The following TRIM21 variants were observed in gnomAD, a reference collection of about 807,000 sequenced individuals.
The protein encoded by TRIM21 is tripartite motif containing 21.
Under a neutral mutation model 36.1 loss-of-function variants are expected in TRIM21, and 35 were observed. That is an observed-to-expected ratio of 0.97 (90% CI 0.74 to 1.28). The LOEUF (loss-of-function observed/expected upper bound fraction) is 1.28. Ranked by LOEUF, TRIM21 falls within the 50% of genes most tolerant of loss-of-function variation. The pLI is 0.00. For synonymous variants in TRIM21, 256 were observed against 211.5 expected (o/e 1.21, Z -1.83); for missense variants, 635 against 570.7 (o/e 1.11, Z -1.15).
Position 4,390,394 on chromosome 11 carries a change from G to C in TRIM21, c.16C>G (p.Arg6Gly). Residue 6 changes from arginine to glycine, a missense_variant, in exon 2 of 7, where the codon CGC becomes GGC. Arg to Gly is a moderately radical substitution (Grantham distance 125, BLOSUM62 -2). Transcript: ENST00000254436. Reference sequence around the variant, plus strand: ...ACCTCCTCCCACATCATTGTCAAGCGTGCTGCTGAAGCCATTGTCAAGTGT... The same window carrying C: ...ACCTCCTCCCACATCATTGTCAAGCCTGCTGCTGAAGCCATTGTCAAGTGT... MASAA[R>G]LTMMWEEVTC... 6.2e-7 allele frequency: 1 copy of C among 1,608,398 alleles called. No individual in the cohort carries two copies. Among genetic ancestry groups the C allele is most frequent in the Non-Finnish European group, 8.5e-7 (1 of 1,175,470 alleles).
chr11:4,387,118 C>A, intron 4 of TRIM21, 128 bp from the exon 5 acceptor site: 2 of 914,466 alleles, frequency 2.2e-6, no homozygotes, highest in Middle Eastern at 2.4e-4. Flanking sequence ...TGGTCCTAGG[C>A]CCCAGAGATG....
In TRIM21 at chr11:4,385,178, T is replaced by C; in HGVS notation, c.*107A>G. The C allele has an allele frequency of 2.8e-6, 3 of 1,079,588 alleles. No individual in the cohort carries two copies. The highest frequency in any genetic ancestry group is 3.9e-6 in the Non-Finnish European group (3 of 764,238). The allele number at this position is 1,079,588 out of a possible 1,614,324, so 66.9% of individuals were successfully genotyped here. Reference sequence around the variant, plus strand: ...TAAAGCTCGCTTGCTGGGATCCGGATGCCTCTGCAGAGACAAAGGTGGTTC... The same window carrying C: ...TAAAGCTCGCTTGCTGGGATCCGGACGCCTCTGCAGAGACAAAGGTGGTTC... On this transcript the variant is annotated 3_prime_UTR_variant, in exon 7 of 7. Transcript: ENST00000254436.
At chr11:4,387,852 A>G (rs768282440) in intron 4 of TRIM21, among the ~76,000 whole-genome samples, 9 of 152,144 alleles carry the variant, frequency 5.9e-5, no homozygotes, top group Non-Finnish European at 1.3e-4. Flanking sequence ...AAATAAATAA[A>G]TAAATAGAAA....
In TRIM21 at chr11:4,385,920, G is replaced by T. The variant is rs896347405; in HGVS notation, c.860-67C>A. 18 of 1,447,988 alleles carry T rather than the reference G, an allele frequency of 1.2e-5. No homozygotes were observed. The African/African-American group carries it at 2.4e-4, about 19-fold the overall frequency. The allele number at this position is 1,447,988 out of a possible 1,614,324, so 89.7% of individuals were successfully genotyped here. A position where few individuals can be genotyped will look rare whatever the true frequency, so the allele number is the denominator to read the frequency against. ...TTCACTAAGTCTGTGCCTGTGGTGGGGGGATTTTGTGTAAACTCCAGGGTA... is the reference window on the plus strand; with the variant it reads ...TTCACTAAGTCTGTGCCTGTGGTGGTGGGATTTTGTGTAAACTCCAGGGTA... On this transcript the variant is annotated intron_variant, in intron 6 of 6. Coordinates refer to ENST00000254436, the MANE Select transcript of TRIM21 (RefSeq NM_003141.4).
Position 4,390,424 on chromosome 11 carries a change from T to A in TRIM21, c.-15A>T, listed in dbSNP as rs2094961775. 6.3e-7 allele frequency: 1 copy of A among 1,595,092 alleles called. No individual in the cohort carries two copies. The highest frequency in any genetic ancestry group is 1.7e-5 in the Admixed American group (1 of 59,330). ...GCTGAAGCCATTGTCAAGTGTGCCG[T>A]TAAACAGCAGTGTGGAGACCTTTAG... On this transcript the variant is annotated 5_prime_UTR_variant, in exon 2 of 7. Transcript: ENST00000254436.
intron 5 of TRIM21, 26 bp from the exon 6 acceptor site, chr11:4,386,283 C>T (rs371266390): frequency 1.3e-4 from 207 of 1,559,624 alleles, no homozygotes; most frequent in Non-Finnish European, 1.7e-4. Context: ...TTTGAGACTC[C>T]TGTCTCCTAC....
intron 3 of TRIM21, among the ~76,000 whole-genome samples, chr11:4,388,770 C>T (rs183728459): frequency 6.6e-6 from 1 of 152,254 alleles, no homozygotes; most frequent in African/African-American, 2.4e-5. Flanking sequence ...CACACTGTAG[C>T]TGGCCTACAA....
chr11:4,385,956 G>A, intron 6 of TRIM21, 103 bp from the exon 7 acceptor site: 2 of 1,244,738 alleles, frequency 1.6e-6, no homozygotes, highest in Non-Finnish European at 1.1e-6. Flanking sequence ...AGCATGAGGG[G>A]TGAACCTCCC....
chr11:4,390,065 G>A lies in TRIM21; in HGVS notation c.345C>T (p.Ala115=). 6.2e-7 allele frequency: 1 copy of A among 1,613,942 alleles called. No homozygotes were observed. The highest frequency in any genetic ancestry group is 8.5e-7 in the Non-Finnish European group (1 of 1,179,894). ...CGTGGTCACGGTGTTTCCGAGACTG[G>A]GCACATACCCAGCAAAGGGCCTTCC... ...KDGKALCWVC[A]QSRKHRDHAM... The change falls in exon 2 of 7, where the codon GCC becomes GCT. Residue 115 remains alanine (A), a synonymous_variant. Transcript: ENST00000254436.
intron 3 of TRIM21, 107 bp from the exon 4 acceptor site, chr11:4,388,637 C>G: frequency 1.9e-6 from 2 of 1,076,104 alleles, no homozygotes; most frequent in Non-Finnish European, 2.7e-6. Flanking sequence ...CCACTCTGTG[C>G]TGTCTGGGAA....
chr11:4,389,848 G>T, intron 2 of TRIM21, 99 bp from the exon 3 acceptor site: 1 of 1,488,292 alleles, frequency 6.7e-7, no homozygotes, highest in Non-Finnish European at 9.4e-7. Flanking sequence ...TACGCCTGGG[G>T]AATGAGGTTG....
Position 4,388,360 on chromosome 11 carries a change from T to C in TRIM21, c.675A>G (p.Leu225=), listed in dbSNP as rs771928181. The C allele has an allele frequency of 2.5e-6, 4 of 1,613,888 alleles. No homozygotes were observed. The highest frequency in any genetic ancestry group is 3.4e-6 in the Non-Finnish European group (4 of 1,179,898). ...EAKLAQQSQA[L]QELISELDRR... ...GATCTAGCTCTGAGATGAGCTCCTG[T>C]AGGGCCTGGCTCTGCTGGGCCAGCT... The change falls in exon 4 of 7, where the codon CTA becomes CTG. Residue 225 remains leucine (L), a synonymous_variant. Coordinates refer to ENST00000254436, the MANE Select transcript of TRIM21 (RefSeq NM_003141.4).
chr11:4,389,564 A>T (rs535638782), intron 3 of TRIM21, 90 bp downstream of exon 3: 300 of 1,092,094 alleles, frequency 2.7e-4, no homozygotes, highest in Non-Finnish European at 3.6e-4. Flanking sequence ...CTGCTCAGAG[A>T]GGCACAGCTA....
At chr11:4,392,567 A>AAAAAC (rs71466158) in intron 1 of TRIM21, among the ~76,000 whole-genome samples, 25 of 151,770 alleles carry the variant, frequency 1.6e-4, no homozygotes, top group East Asian at 1.4e-3. Flanking sequence ...ACTCCCTCTC[A>AAAAAC]AAAACAAAAC....
At position 4,390,144 on chromosome 11, in the gene TRIM21, C is replaced by G. The variant is rs2094961313; in HGVS notation, c.266G>C (p.Gly89Ala). 6.2e-7 allele frequency: 1 copy of G among 1,614,046 alleles called. No individual in the cohort carries two copies. Among genetic ancestry groups the G allele is most frequent in the Non-Finnish European group, 8.5e-7 (1 of 1,179,898 alleles). Residue 89 changes from glycine (G) to alanine (A), a missense_variant, in exon 2 of 7, where the codon GGG (glycine) becomes GCG (alanine). Gly to Ala is a moderately conservative substitution (Grantham distance 60). Coordinates refer to ENST00000254436, the MANE Select transcript of TRIM21 (RefSeq NM_003141.4). ...CTCTCCATGCACTGCACACCGTTCC[C>G]CCTGTGTGCCCTCTCTGGCCTCCTG... The part of the protein sequence containing the change: ...ISQEAREGTQ[G>A]ERCAVHGERL...
chr11:4,387,814 A>G (rs2133051556), intron 4 of TRIM21, among the ~76,000 whole-genome samples: 1 of 150,676 alleles, frequency 6.6e-6, no homozygotes, highest in East Asian at 1.9e-4. Context: ...CTGGGCAACA[A>G]GAGTGAAACT....
intron 5 of TRIM21, 70 bp from the exon 6 acceptor site, chr11:4,386,327 T>C (rs138696726): frequency 0.036 from 44,541 of 1,222,478 alleles, 931 homozygotes; most frequent in Non-Finnish European, 0.044. Flanking sequence ...TAACCTCCAT[T>C]GTGGAGGACT....
chr11:4,385,699 G>T lies in TRIM21; in HGVS notation c.1014C>A (p.His338Gln). 6.2e-7 allele frequency: 1 copy of T among 1,613,284 alleles called. No individual in the cohort carries two copies. Among genetic ancestry groups the T allele is most frequent in the Non-Finnish European group, 8.5e-7 (1 of 1,179,610 alleles). ...CTACCTCCCAGTAATGTTTTCCAGA[G>T]TGAAAGTGCTGGGCACCCAGGACCA... is the stretch of plus-strand genomic sequence containing the variant. ...YPMVLGAQHF[H>Q]SGKHYWEVDV... is the part of the protein sequence containing the mutation. Residue 338 changes from histidine to glutamine, a missense_variant, in exon 7 of 7, where the codon CAC (histidine) becomes CAA (glutamine). Coordinates refer to ENST00000254436, the MANE Select transcript of TRIM21 (RefSeq NM_003141.4).
In TRIM21 at chr11:4,390,422, C is replaced by T. The variant is rs761529156; in HGVS notation, c.-13G>A. 40 of 1,594,836 alleles carry T rather than the reference C, an allele frequency of 2.5e-5. No individual in the cohort carries two copies. The highest frequency in any genetic ancestry group is 4.5e-5 in the East Asian group (2 of 44,482). ...CTGCTGAAGCCATTGTCAAGTGTGCCGTTAAACAGCAGTGTGGAGACCTTT... is the reference window on the plus strand; with the variant it reads ...CTGCTGAAGCCATTGTCAAGTGTGCTGTTAAACAGCAGTGTGGAGACCTTT... On this transcript the variant is annotated 5_prime_UTR_variant, in exon 2 of 7. Transcript: ENST00000254436.
Sources: allele counts gnomAD v4.1 joint callset (sites outside exome capture counted in the v4.1 genomes callset), GRCh38; gene constraint gnomAD v4.1.1; transcripts MANE v1.5; gene names NCBI Gene and HGNC (gene_info 2026-07-23, HGNC 2026-07-21).